The following HPCAL1 variants were observed in gnomAD, a reference collection of about 807,000 sequenced individuals.
HPCAL1 encodes the protein hippocalcin-like protein 1.
Under a neutral mutation model 17.1 loss-of-function variants are expected in HPCAL1, and 8 were observed. That is an observed-to-expected ratio of 0.47 (90% confidence interval 0.27 to 0.84). The LOEUF (loss-of-function observed/expected upper bound fraction) is 0.84. HPCAL1 is among the 40% of genes least tolerant of loss of function. The pLI, the probability that HPCAL1 is intolerant of heterozygous loss-of-function variation, is 0.13. For missense variants in HPCAL1, 165 were observed against 271.1 expected, an observed-to-expected ratio of 0.61 and a Z score of 2.75; for synonymous variants, 112 against 111.4, an observed-to-expected ratio of 1.01 and a Z score of -0.03.
intron 1 of HPCAL1, among the ~76,000 whole-genome samples, chr2:10,366,071 G>A (rs912821440): frequency 2.0e-5 from 3 of 152,064 alleles, no homozygotes; most frequent in Non-Finnish European, 2.9e-5. Flanking sequence ...CGTGGTTGCC[G>A]CTGCCTCCCT....
Position 10,330,577 on chromosome 2 carries a change from T to C in HPCAL1, c.-111+27400T>C, listed in dbSNP as rs1664302288. Among the ~76,000 whole-genome samples the C allele has an allele frequency of 6.6e-6, 1 of 152,102 alleles. No homozygotes were observed. The highest frequency in any genetic ancestry group is 1.5e-5 in the Non-Finnish European group (1 of 68,020). On this transcript the variant is annotated intron_variant, in intron 1 of 4. Transcript: ENST00000307845. This position sits in a 1 kb window ranked among gnomAD's most constrained non-coding sequence, Gnocchi z 4.2. ...CTCCTCGGCTCCGTGTAGCCCTTTC[T>C]CCCTCTGTTCTCACACGGCCATCCC...
chr2:10,373,596 T>TTTTTTC (rs1469828768), intron 1 of HPCAL1, among the ~76,000 whole-genome samples: 2 of 152,164 alleles, frequency 1.3e-5, no homozygotes, highest in South Asian at 2.1e-4. Context: ...TTTGTTTTTT[T>TTTTTTC]ATGTTTCAGA....
intron 1 of HPCAL1, among the ~76,000 whole-genome samples, chr2:10,392,103 C>T (rs1321364537): frequency 6.6e-6 from 1 of 152,072 alleles, no homozygotes; most frequent in African/African-American, 2.4e-5. Flanking sequence ...AGTGCAGTGG[C>T]ATGACCATAG....
chr2:10,418,785 T>C (rs2148027280), intron 2 of HPCAL1, among the ~76,000 whole-genome samples: 1 of 152,280 alleles, frequency 6.6e-6, no homozygotes, highest in Non-Finnish European at 1.5e-5. Context: ...CCCTGGGGGA[T>C]GGTTTTGAGC....
intron 1 of HPCAL1, among the ~76,000 whole-genome samples, chr2:10,315,512 G>C (rs190077174): frequency 1.3e-5 from 2 of 152,158 alleles, no homozygotes; most frequent in East Asian, 1.9e-4. Flanking sequence ...AGAGCCTCCA[G>C]GAGGAACTCC....
chr2:10,373,751 G>A (rs1660882934), intron 1 of HPCAL1, among the ~76,000 whole-genome samples: 1 of 152,016 alleles, frequency 6.6e-6, no homozygotes, highest in Admixed American at 6.6e-5. Flanking sequence ...GCCCAGCCCA[G>A]GCCACCAGCA....
chr2:10,399,451 CCACCACCACCACCATCACCATCAT>C (rs1669389735), intron 2 of HPCAL1, among the ~76,000 whole-genome samples: 2 of 106,540 alleles, frequency 1.9e-5, no homozygotes, highest in African/African-American at 7.2e-5. Flanking sequence ...ATCACCATCA[CCACCACCACCACCATCACCATCAT>C]CACCACCATC....
At chr2:10,350,416 T>C (rs925805069) in intron 1 of HPCAL1, among the ~76,000 whole-genome samples, 3 of 149,224 alleles carry the variant, frequency 2.0e-5, no homozygotes, top group African/African-American at 7.4e-5. Context: ...GCTCAAGCAA[T>C]CCCCCCACCT....
At chr2:10,341,503 C>T (rs774507368) in intron 1 of HPCAL1, among the ~76,000 whole-genome samples, 3 of 151,758 alleles carry the variant, frequency 2.0e-5, no homozygotes, top group Non-Finnish European at 4.4e-5. Flanking sequence ...CATGGAGGTA[C>T]TGAGGGCCTT....
chr2:10,400,220 G>A (rs1293842632), intron 2 of HPCAL1, among the ~76,000 whole-genome samples: 1 of 152,222 alleles, frequency 6.6e-6, no homozygotes, highest in African/African-American at 2.4e-5. Context: ...CCAGGTCGGA[G>A]TGGGTCACAC....
At chr2:10,385,814 A>G (rs1026798673) in intron 1 of HPCAL1, among the ~76,000 whole-genome samples, 2 of 152,154 alleles carry the variant, frequency 1.3e-5, no homozygotes, top group Non-Finnish European at 2.9e-5. Context: ...CTCCTGATTA[A>G]GTGATTTCAG....
chr2:10,345,032 T>C (rs1359785203), intron 1 of HPCAL1, among the ~76,000 whole-genome samples: 1 of 152,108 alleles, frequency 6.6e-6, no homozygotes, highest in African/African-American at 2.4e-5. Flanking sequence ...TCTCTCTATG[T>C]GTCTGTTTCT....
intron 1 of HPCAL1, among the ~76,000 whole-genome samples, chr2:10,383,146 G>A (rs907649939): frequency 6.6e-6 from 1 of 152,230 alleles, no homozygotes; most frequent in African/African-American, 2.4e-5. Flanking sequence ...GCTGAGGCAG[G>A]AGGACTGCTT....
At chr2:10,340,337 C>T (rs1665000815) in intron 1 of HPCAL1, among the ~76,000 whole-genome samples, 1 of 152,186 alleles carries the variant, frequency 6.6e-6, no homozygotes, top group Non-Finnish European at 1.5e-5. Flanking sequence ...GCTTTCTAAC[C>T]ATGTAAGGTG....
At chr2:10,382,007 C>T (rs1257276261) in intron 1 of HPCAL1, among the ~76,000 whole-genome samples, 1 of 152,240 alleles carries the variant, frequency 6.6e-6, no homozygotes, top group Non-Finnish European at 1.5e-5. Flanking sequence ...TTATTCATAA[C>T]AGCTGGAACT....
intron 1 of HPCAL1, among the ~76,000 whole-genome samples, chr2:10,370,925 G>A (rs904038558): frequency 4.6e-5 from 7 of 152,236 alleles, no homozygotes; most frequent in African/African-American, 1.7e-4. Context: ...TCACAGAATT[G>A]GACGTGTGAC....
intron 1 of HPCAL1, among the ~76,000 whole-genome samples, chr2:10,372,951 C>T (rs1667318949): frequency 6.6e-6 from 1 of 152,236 alleles, no homozygotes; most frequent in African/African-American, 2.4e-5. Flanking sequence ...CCCCTCCTGC[C>T]CCCAGAAGGA....
chr2:10,418,190 G>T (rs1670793175), intron 2 of HPCAL1, among the ~76,000 whole-genome samples: 1 of 152,124 alleles, frequency 6.6e-6, no homozygotes, highest in Non-Finnish European at 1.5e-5. Context: ...GCCAAGGCAG[G>T]CGAATCACTT....
In HPCAL1 at chr2:10,422,966, A is replaced by T; in HGVS notation, c.379-17A>T. The T allele has an allele frequency of 6.3e-7, 1 of 1,588,592 alleles. No individual in the cohort carries two copies. The highest frequency in any genetic ancestry group is 8.6e-7 in the Non-Finnish European group (1 of 1,157,860). On this transcript the variant is annotated splice_polypyrimidine_tract_variant and intron_variant, in intron 3 of 4. Coordinates refer to ENST00000307845, the MANE Select transcript of HPCAL1 (RefSeq NM_002149.4). ...CCCCCGGGCCTCTGAGCACAGTGTC[A>T]TTGCCCCCATCCGCAGGCCATCTAC...
Sources: gnomAD v4.1 joint callset for allele counts (sites outside exome capture counted in the v4.1 genomes callset) on GRCh38, gnomAD v4.1.1 for gene constraint, Gnocchi (gnomAD v3.1) non-coding constraint, MANE v1.5 for transcripts, NCBI Gene and HGNC (gene_info 2026-07-23, HGNC 2026-07-21) for gene names.